Variants in SH3BGRL observed in about 807,000 individuals in gnomAD.
SH3BGRL encodes adapter SH3BGRL.
Under a neutral mutation model 9.8 loss-of-function variants are expected in SH3BGRL, and 7 were observed. The observed-to-expected ratio is 0.72, with a 90% confidence interval of 0.41 to 1.35. The LOEUF (loss-of-function observed/expected upper bound fraction) is 1.35. Ranked by LOEUF, SH3BGRL falls within the 40% of genes most tolerant of loss-of-function variation. The pLI is 0.01. For missense variants in SH3BGRL, 73 were observed against 84.4 expected, an observed-to-expected ratio of 0.86 and a Z score of 0.53; for synonymous variants, 36 against 29.1, an observed-to-expected ratio of 1.24 and a Z score of -0.76.
chrX:81,244,532 C>A (rs917128272), intron 1 of SH3BGRL, among the ~76,000 whole-genome samples: 1 of 111,799 alleles, frequency 8.9e-6, no homozygotes, highest in African/African-American at 3.3e-5. Context: ...AGAACAAAAA[C>A]CAGTTGTATG....
At chrX:81,296,481 A>T (rs2075875079) in intron 3 of SH3BGRL, among the ~76,000 whole-genome samples, 1 of 111,035 alleles carries the variant, frequency 9.0e-6, no homozygotes. Context: ...CTTCTTTTGC[A>T]TGTAATACTG....
intron 1 of SH3BGRL, among the ~76,000 whole-genome samples, chrX:81,205,043 C>T (rs1478068039): frequency 2.7e-5 from 3 of 112,013 alleles, no homozygotes; most frequent in Non-Finnish European, 5.6e-5. Context: ...TATCCGTTAC[C>T]GCAAACATTT....
At chrX:81,236,900 GGAGAGAGAGA>G (rs3051997) in intron 1 of SH3BGRL, among the ~76,000 whole-genome samples, 1 of 97,384 alleles carries the variant, frequency 1.0e-5, no homozygotes, top group Non-Finnish European at 2.1e-5. Flanking sequence ...AGAGGCTGAG[GGAGAGAGAGA>G]GAGAGAGAGA....
chrX:81,230,273 C>T (rs1488314590), intron 1 of SH3BGRL, among the ~76,000 whole-genome samples: 1 of 112,292 alleles, frequency 8.9e-6, no homozygotes, highest in Non-Finnish European at 1.9e-5. Flanking sequence ...TAGACATAGA[C>T]ATAGCCCCTA....
chrX:81,287,303 C>A (rs1006196483), intron 3 of SH3BGRL, among the ~76,000 whole-genome samples: 1 of 111,692 alleles, frequency 9.0e-6, no homozygotes, highest in African/African-American at 3.3e-5. Context: ...ACAACTTATA[C>A]TGCAGGAATT....
chrX:81,235,115 G>C (rs2075643891), intron 1 of SH3BGRL, among the ~76,000 whole-genome samples: 1 of 111,416 alleles, frequency 9.0e-6, no homozygotes, highest in Non-Finnish European at 1.9e-5. Context: ...GATTTATTTT[G>C]AGGATTTAGA....
intron 1 of SH3BGRL, among the ~76,000 whole-genome samples, chrX:81,238,861 G>A (rs2075658111): frequency 9.1e-6 from 1 of 109,623 alleles, no homozygotes. Flanking sequence ...GAGAAGGTAA[G>A]GGAAGAGAAC....
intron 1 of SH3BGRL, among the ~76,000 whole-genome samples, chrX:81,229,075 T>C (rs892337653): frequency 1.8e-5 from 2 of 111,933 alleles, no homozygotes; most frequent in African/African-American, 6.5e-5. Flanking sequence ...CTAGAATTTG[T>C]GTCCAGAGGC....
intron 1 of SH3BGRL, among the ~76,000 whole-genome samples, chrX:81,218,236 A>G (rs938787635): frequency 1.3e-4 from 14 of 110,792 alleles, no homozygotes; most frequent in Non-Finnish European, 2.3e-4. Flanking sequence ...TGGAACATTT[A>G]GGCTACTTAC....
At chrX:81,261,668 T>C (rs1384784156) in intron 1 of SH3BGRL, among the ~76,000 whole-genome samples, 1 of 111,420 alleles carries the variant, frequency 9.0e-6, no homozygotes. Context: ...TTTTGAGGAC[T>C]CTTTCTTCTG....
intron 1 of SH3BGRL, among the ~76,000 whole-genome samples, chrX:81,213,246 G>A (rs2075571103): frequency 9.0e-6 from 1 of 110,840 alleles, no homozygotes. Context: ...ATCTCCCAGT[G>A]ATTGAGGTAA....
chrX:81,241,126 G>A (rs762113136), intron 1 of SH3BGRL, among the ~76,000 whole-genome samples: 1 of 112,639 alleles, frequency 8.9e-6, no homozygotes, highest in Non-Finnish European at 1.9e-5. Flanking sequence ...CCTTGTCTGG[G>A]TGTTGTAGCA....
chrX:81,290,782 C>G (rs764729232), intron 3 of SH3BGRL, among the ~76,000 whole-genome samples: 4 of 110,162 alleles, frequency 3.6e-5, no homozygotes, highest in Non-Finnish European at 7.6e-5. Context: ...CCCCGTTTAC[C>G]CAGATGTGAT....
intron 1 of SH3BGRL, among the ~76,000 whole-genome samples, chrX:81,246,304 A>G (rs2075688587): frequency 8.9e-6 from 1 of 111,901 alleles, no homozygotes; most frequent in African/African-American, 3.3e-5. Context: ...GCTGTGCAGA[A>G]GTTCTTTAAT....
intron 3 of SH3BGRL, among the ~76,000 whole-genome samples, chrX:81,286,797 A>G (rs2075836131): frequency 9.0e-6 from 1 of 111,551 alleles, no homozygotes; most frequent in Admixed American, 9.6e-5. Context: ...AGAACATTAT[A>G]TGCTTGCTCT....
intron 1 of SH3BGRL, among the ~76,000 whole-genome samples, chrX:81,221,388 A>G (rs1460286062): frequency 8.9e-6 from 1 of 111,771 alleles, no homozygotes; most frequent in Non-Finnish European, 1.9e-5. Context: ...AGAATCACCT[A>G]TTGTGCCAGA....
At chrX:81,216,510 T>A (rs998406521) in intron 1 of SH3BGRL, among the ~76,000 whole-genome samples, 49 of 111,216 alleles carry the variant, frequency 4.4e-4, no homozygotes, top group African/African-American at 1.6e-3. Context: ...TCACCCTGGT[T>A]GCACTGTCAA....
intron 1 of SH3BGRL, among the ~76,000 whole-genome samples, chrX:81,227,796 A>G (rs2075621856): frequency 8.9e-6 from 1 of 112,113 alleles, no homozygotes; most frequent in Non-Finnish European, 1.9e-5. Flanking sequence ...GCCTAAACCA[A>G]GAATGGGATA....
Position 81,211,648 on chromosome X carries a change from T to A in SH3BGRL, c.45+9403T>A, listed in dbSNP as rs1242859352. ...TCCACCCTAAATCTGCTGGGCACAATCTAATCAGCTTCCAGCAAATATAAA... is the reference window on the plus strand; with the variant it reads ...TCCACCCTAAATCTGCTGGGCACAAACTAATCAGCTTCCAGCAAATATAAA... On this transcript the variant is annotated intron_variant, in intron 1 of 3. Coordinates refer to ENST00000373212, the MANE Select transcript of SH3BGRL (RefSeq NM_003022.3). Among the ~76,000 whole-genome samples, 5 of 110,222 alleles carry A rather than the reference T, an allele frequency of 4.5e-5. No individual in the cohort carries two copies. In the Admixed American group the frequency reaches 4.8e-4, roughly 11 times the overall value.
Sources: gnomAD v4.1 joint callset for allele counts (sites outside exome capture counted in the v4.1 genomes callset) on GRCh38, gnomAD v4.1.1 for gene constraint, MANE v1.5 for transcripts, NCBI Gene and HGNC (gene_info 2026-07-23, HGNC 2026-07-21) for gene names.